Variants in NALF1 observed in about 807,000 individuals in gnomAD.
The protein encoded by NALF1 is family with sequence similarity 155 member A.
A neutral mutation model predicts 48.4 loss-of-function variants in NALF1; 3 were observed. That is an observed-to-expected ratio of 0.06 (90% CI 0.03 to 0.16). NALF1 has a LOEUF of 0.16. Ranked by LOEUF, NALF1 falls within the 10% of genes least tolerant of loss-of-function variation. The pLI is 1.00. For synonymous variants in NALF1, 262 were observed against 245.7 expected, an observed-to-expected ratio of 1.07 and a Z score of -0.62; for missense variants, 526 against 571.5, an observed-to-expected ratio of 0.92 and a Z score of 0.81.
At chr13:107,797,356 C>A (rs1878458734) in intron 1 of NALF1, among the ~76,000 whole-genome samples, 1 of 152,190 alleles carries the variant, frequency 6.6e-6, no homozygotes, top group Non-Finnish European at 1.5e-5. Context: ...CAGGCGCCCA[C>A]CACCATGCCC....
chr13:107,388,399 G>A (rs1185306067), intron 1 of NALF1, among the ~76,000 whole-genome samples: 2 of 152,156 alleles, frequency 1.3e-5, no homozygotes, highest in South Asian at 2.1e-4. Context: ...AAAGTAGTGT[G>A]GCCTGGGGAG....
intron 1 of NALF1, among the ~76,000 whole-genome samples, chr13:107,401,518 C>A (rs530438672): frequency 6.6e-6 from 1 of 152,216 alleles, no homozygotes; most frequent in East Asian, 1.9e-4. Context: ...TTTATCACAA[C>A]AAATACTGGA....
intron 1 of NALF1, among the ~76,000 whole-genome samples, chr13:107,723,109 T>C (rs1271808230): frequency 1.3e-5 from 2 of 152,208 alleles, no homozygotes; most frequent in South Asian, 2.1e-4. Context: ...CCTTCATTCA[T>C]CACATTCAGT....
At chr13:107,611,796 A>AC (rs1215493433) in intron 1 of NALF1, among the ~76,000 whole-genome samples, 5 of 150,840 alleles carry the variant, frequency 3.3e-5, no homozygotes, top group Non-Finnish European at 5.9e-5. Flanking sequence ...GGTGGCATAC[A>AC]CCTATAAGCT....
At chr13:107,210,783 T>C in intron 1 of NALF1, 28 bp from the exon 2 acceptor site, 2 of 1,551,166 alleles carry the variant, frequency 1.3e-6, no homozygotes, top group Non-Finnish European at 1.8e-6. Flanking sequence ...ATGAAAAATA[T>C]AGAGGCGTGA....
intron 1 of NALF1, among the ~76,000 whole-genome samples, chr13:107,761,055 A>G (rs923637307): frequency 6.6e-6 from 1 of 152,174 alleles, no homozygotes; most frequent in South Asian, 2.1e-4. Flanking sequence ...TGGGTTAAGA[A>G]AAAATGGCAA....
At chr13:107,669,546 G>T (rs1349060510) in intron 1 of NALF1, among the ~76,000 whole-genome samples, 2 of 152,132 alleles carry the variant, frequency 1.3e-5, no homozygotes, top group Non-Finnish European at 2.9e-5. Context: ...CGGAGCCACT[G>T]GGAGAACAAT....
intron 1 of NALF1, among the ~76,000 whole-genome samples, chr13:107,336,448 A>G (rs1436805066): frequency 1.3e-5 from 2 of 152,118 alleles, no homozygotes; most frequent in Non-Finnish European, 2.9e-5. Flanking sequence ...TTCACAGTAT[A>G]CATTCTACAA....
At chr13:107,267,163 A>G (rs144185952) in intron 1 of NALF1, among the ~76,000 whole-genome samples, 60 of 152,328 alleles carry the variant, frequency 3.9e-4, no homozygotes, top group Admixed American at 2.4e-3. Flanking sequence ...TTTTCCCTCA[A>G]AATAGAGCAA....
At chr13:107,287,996 C>T (rs1186473041) in intron 1 of NALF1, among the ~76,000 whole-genome samples, 1 of 151,998 alleles carries the variant, frequency 6.6e-6, no homozygotes, top group African/African-American at 2.4e-5. Context: ...GCGTGAGCCA[C>T]CACACCTGGC....
chr13:107,767,415 T>C (rs551826722), intron 1 of NALF1, among the ~76,000 whole-genome samples: 4 of 152,330 alleles, frequency 2.6e-5, no homozygotes, highest in East Asian at 3.9e-4. Context: ...TCTGTTGCAG[T>C]AACTGGTTAT....
intron 1 of NALF1, among the ~76,000 whole-genome samples, chr13:107,424,116 G>T (rs528585196): frequency 1.4e-3 from 215 of 152,156 alleles, no homozygotes; most frequent in African/African-American, 4.9e-3. Context: ...CTGTAATGAG[G>T]AAGATACAGC....
At chr13:107,860,985 T>C (rs945478114) in intron 1 of NALF1, among the ~76,000 whole-genome samples, 2 of 152,218 alleles carry the variant, frequency 1.3e-5, no homozygotes, top group Non-Finnish European at 2.9e-5. Flanking sequence ...CATACCTATG[T>C]AGCCACTAGT....
At position 107,489,077 on chromosome 13, in the gene NALF1, A is replaced by G. The variant is rs115085095; in HGVS notation, c.916-278322T>C. The stretch of plus-strand genomic sequence containing the variant: ...ATACAGTTAACTAGGAAGGTTTAAG[A>G]TCTCTCCAAGGAGAACTACAAACAA... On this transcript the variant is annotated intron_variant, in intron 1 of 2. Coordinates refer to ENST00000375915, the MANE Select transcript of NALF1 (RefSeq NM_001080396.3). 4.6e-3 allele frequency among the ~76,000 whole-genome samples: 707 copies of G among 152,296 alleles called. 7 individuals are homozygous for G. The highest frequency in any genetic ancestry group is 0.016 in the African/African-American group (675 of 41,572).
intron 1 of NALF1, among the ~76,000 whole-genome samples, chr13:107,226,869 C>A (rs946322707): frequency 3.3e-5 from 5 of 152,126 alleles, no homozygotes; most frequent in African/African-American, 1.2e-4. Context: ...AAGTTTAAGT[C>A]CCTGACTGAA....
chr13:107,757,670 G>A (rs941043150), intron 1 of NALF1, among the ~76,000 whole-genome samples: 21 of 152,218 alleles, frequency 1.4e-4, no homozygotes, highest in Admixed American at 1.2e-3. Flanking sequence ...TTCTCCTTGT[G>A]TAACTGATTA....
At chr13:107,236,631 G>A (rs936756760) in intron 1 of NALF1, among the ~76,000 whole-genome samples, 3 of 152,032 alleles carry the variant, frequency 2.0e-5, no homozygotes, top group African/African-American at 4.8e-5. Context: ...CTCCCTGTTT[G>A]GTAGCTTAAT....
intron 1 of NALF1, among the ~76,000 whole-genome samples, chr13:107,846,961 C>G (rs1446715993): frequency 6.6e-6 from 1 of 151,946 alleles, no homozygotes; most frequent in Non-Finnish European, 1.5e-5. Context: ...TTAATTTGCT[C>G]CAAAATACAT....
intron 1 of NALF1, among the ~76,000 whole-genome samples, chr13:107,503,281 T>C (rs1875579195): frequency 7.2e-6 from 1 of 139,858 alleles, no homozygotes. Flanking sequence ...TGCTTAATAA[T>C]GTAAGTTTTC....
Sources: allele counts gnomAD v4.1 joint callset (sites outside exome capture counted in the v4.1 genomes callset), GRCh38; gene constraint gnomAD v4.1.1; transcripts MANE v1.5; gene names NCBI Gene and HGNC (gene_info 2026-07-23, HGNC 2026-07-21).